The following PLXDC2 variants were observed in gnomAD, a reference collection of about 807,000 sequenced individuals.
PLXDC2 encodes the protein plexin domain containing 2.
In PLXDC2, 40 loss-of-function variants were observed where a neutral mutation model predicts 68.9. That is an observed-to-expected ratio of 0.58 (90% CI 0.45 to 0.76). PLXDC2 has a LOEUF of 0.76. Among genes scored for constraint, PLXDC2 ranks in the 30% least tolerant of loss-of-function variants. The pLI is 0.00. For missense variants in PLXDC2, 644 were observed against 661.9 expected (o/e 0.97, Z 0.30); for synonymous variants, 243 against 234.2 (o/e 1.04, Z -0.34).
intron 12 of PLXDC2, among the ~76,000 whole-genome samples, chr10:20,221,456 C>G: frequency 6.6e-6 from 1 of 152,154 alleles, no homozygotes; most frequent in East Asian, 1.9e-4. Flanking sequence ...CACAATTAGA[C>G]TTCAGACTCT....
chr10:19,914,676 A>ATTTTAGGATGG lies in PLXDC2; in HGVS notation c.113-87099_113-87098insTTTTAGGATGG, dbSNP rs1357221466. ...ATACCTTTGAACAATTCTATAGCATAGACTCCATCAGTCCCATTATTTTAG... is the reference window on the plus strand; with the variant it reads ...ATACCTTTGAACAATTCTATAGCATATTTTAGGATGGGACTCCATCAGTCCCATTATTTTAG... On this transcript the variant is annotated intron_variant, in intron 1 of 13. Transcript: ENST00000377252. Among the ~76,000 whole-genome samples, 4 of 152,354 alleles carry ATTTTAGGATGG rather than the reference A, an allele frequency of 2.6e-5. No homozygotes were observed. The East Asian group carries it at 7.7e-4, about 29-fold the overall frequency.
intron 4 of PLXDC2, among the ~76,000 whole-genome samples, chr10:20,089,169 C>CGTGTGTGT (rs34167804): frequency 5.7e-4 from 81 of 142,690 alleles, no homozygotes; most frequent in East Asian, 8.1e-4. Flanking sequence ...CCTGTATATA[C>CGTGTGTGT]GTGTGTGTGT....
At position 20,287,979 on chromosome 10, in the gene PLXDC2, C is replaced by CGGGGGGGGGGGGG. The variant is rs748974758; in HGVS notation, c.*8165_*8166insGGGGGGGGGGGGG. 2.4e-4 allele frequency: 3 copies of CGGGGGGGGGGGGG among 12,392 alleles called. No individual in the cohort carries two copies. The highest frequency in any genetic ancestry group is 1.0e-3 in the African/African-American group (3 of 2,984). 0.8% of individuals were successfully genotyped at this position (12,392 alleles called of 1,614,324 possible). A position where few individuals can be genotyped will look rare whatever the true frequency, so the allele number is the denominator to read the frequency against. On this transcript the variant is annotated 3_prime_UTR_variant, in exon 14 of 14. Coordinates refer to ENST00000377252, the MANE Select transcript of PLXDC2 (RefSeq NM_032812.9). ...AGAAGAAATTGGGCACTTCTTGCGGCGGGGGAGGGGGGGGGGGCGGTGGCT... is the reference window on the plus strand; with the variant it reads ...AGAAGAAATTGGGCACTTCTTGCGGCGGGGGGGGGGGGGGGGGGAGGGGGGGGGGGCGGTGGCT...
intron 1 of PLXDC2, among the ~76,000 whole-genome samples, chr10:19,893,438 G>A (rs1180637914): frequency 6.6e-6 from 1 of 152,154 alleles, no homozygotes; most frequent in Non-Finnish European, 1.5e-5. Flanking sequence ...TCCTGTGTGT[G>A]CATTTTTGTA....
intron 12 of PLXDC2, among the ~76,000 whole-genome samples, chr10:20,228,070 A>G (rs2131874936): frequency 6.6e-6 from 1 of 152,256 alleles, no homozygotes; most frequent in Admixed American, 6.5e-5. Flanking sequence ...ATACAGGAAG[A>G]GAAAGGGGGT....
chr10:20,212,952 G>C (rs1835088807), intron 10 of PLXDC2, among the ~76,000 whole-genome samples: 1 of 152,054 alleles, frequency 6.6e-6, no homozygotes, highest in South Asian at 2.1e-4. Flanking sequence ...TATATGTAAA[G>C]ATTGAGAATG....
At chr10:20,069,034 A>C (rs539347901) in intron 4 of PLXDC2, among the ~76,000 whole-genome samples, 1 of 152,290 alleles carries the variant, frequency 6.6e-6, no homozygotes, top group African/African-American at 2.4e-5. Context: ...ATTGAAAGAA[A>C]TTCCATAGGT....
chr10:20,162,623 A>G (rs11011836), intron 6 of PLXDC2, among the ~76,000 whole-genome samples: 34,220 of 152,016 alleles, frequency 0.23, 4,691 homozygotes, highest in East Asian at 0.49. Context: ...ATCTTCTTGT[A>G]TGTTTTAACT....
intron 1 of PLXDC2, among the ~76,000 whole-genome samples, chr10:19,840,744 A>G (rs1442263793): frequency 6.6e-6 from 1 of 152,138 alleles, no homozygotes; most frequent in Non-Finnish European, 1.5e-5. Flanking sequence ...TATCCTCATT[A>G]TTGCAGTAAA....
intron 1 of PLXDC2, among the ~76,000 whole-genome samples, chr10:19,869,238 G>GT (rs1837485815): frequency 6.6e-6 from 1 of 151,884 alleles, no homozygotes; most frequent in African/African-American, 2.4e-5. Flanking sequence ...CTCACAAAAA[G>GT]TATGAAAATA....
chr10:19,876,819 A>G (rs965633206), intron 1 of PLXDC2, among the ~76,000 whole-genome samples: 2 of 152,258 alleles, frequency 1.3e-5, no homozygotes, highest in East Asian at 3.9e-4. Context: ...AACAACTGTA[A>G]CTGTTGTCAG....
intron 1 of PLXDC2, among the ~76,000 whole-genome samples, chr10:19,978,091 A>T (rs1834488979): frequency 6.6e-6 from 1 of 152,106 alleles, no homozygotes; most frequent in African/African-American, 2.4e-5. Flanking sequence ...GCAAATCAGC[A>T]TTCTATTTTT....
chr10:20,232,224 T>G (rs1835374552), intron 12 of PLXDC2, among the ~76,000 whole-genome samples: 1 of 152,126 alleles, frequency 6.6e-6, no homozygotes, highest in Admixed American at 6.6e-5. Context: ...AACACTAATA[T>G]TGATGAGGAT....
intron 2 of PLXDC2, among the ~76,000 whole-genome samples, chr10:20,040,238 C>T (rs1835659242): frequency 6.6e-6 from 1 of 152,122 alleles, no homozygotes; most frequent in South Asian, 2.1e-4. Context: ...TTCCACATTA[C>T]CACTCGCCAG....
intron 1 of PLXDC2, among the ~76,000 whole-genome samples, chr10:19,949,936 C>A (rs1242940627): frequency 6.6e-6 from 1 of 152,100 alleles, no homozygotes; most frequent in Non-Finnish European, 1.5e-5. Context: ...TTTTGGAGAT[C>A]AAAGTGAATT....
At chr10:20,222,332 G>C (rs759454452) in intron 12 of PLXDC2, among the ~76,000 whole-genome samples, 25 of 152,142 alleles carry the variant, frequency 1.6e-4, no homozygotes, top group Non-Finnish European at 3.4e-4. Context: ...TCTTTGATAT[G>C]TAAGCATTAA....
In PLXDC2 at chr10:20,280,034, G is replaced by T; in HGVS notation, c.*215G>T. The T allele has an allele frequency of 6.0e-6, 3 of 500,094 alleles. No homozygotes were observed. The highest frequency in any genetic ancestry group is 1.1e-5 in the Non-Finnish European group (3 of 281,858). 31.0% of individuals were successfully genotyped at this position (500,094 alleles called of 1,614,324 possible). On this transcript the variant is annotated 3_prime_UTR_variant, in exon 14 of 14. Transcript: ENST00000377252. ...CAAGATACCATTTACACTGAACATA[G>T]AATTCCCTAGTGGAATGTCATCTAT...
At chr10:19,855,977 C>A (rs1837204470) in intron 1 of PLXDC2, among the ~76,000 whole-genome samples, 1 of 152,108 alleles carries the variant, frequency 6.6e-6, no homozygotes, top group Non-Finnish European at 1.5e-5. Context: ...TGCCTGTAAT[C>A]CCAGCTACTT....
At chr10:19,900,186 A>C (rs1033468815) in intron 1 of PLXDC2, among the ~76,000 whole-genome samples, 42 of 152,352 alleles carry the variant, frequency 2.8e-4, no homozygotes, top group African/African-American at 9.9e-4. Flanking sequence ...TTTGAAAAGC[A>C]CACAATAAGA....
Sources: gnomAD v4.1 joint callset for allele counts (sites outside exome capture counted in the v4.1 genomes callset) on GRCh38, gnomAD v4.1.1 for gene constraint, MANE v1.5 for transcripts, NCBI Gene and HGNC (gene_info 2026-07-23, HGNC 2026-07-21) for gene names.